SLC25A48: variants seen among roughly 807,000 people sequenced by gnomAD.
SLC25A48 encodes the protein CTC-321K16.1.
SLC25A48 carries 29 observed loss-of-function variants against 32.2 expected under a neutral mutation model. That is an observed-to-expected ratio of 0.90 (90% CI 0.67 to 1.23). The LOEUF (loss-of-function observed/expected upper bound fraction) is 1.23, where lower values mean the gene tolerates loss of function less well. Among genes scored for constraint, SLC25A48 ranks in the 50% most tolerant of loss-of-function variants. SLC25A48 has a pLI of 0.00. For missense variants in SLC25A48, 399 were observed against 422.7 expected (o/e 0.94, Z 0.49); for synonymous variants, 164 against 172.3 (o/e 0.95, Z 0.38).
chr5:135,610,095 G>C (rs1317531052), intron 1 of SLC25A48, among the ~76,000 whole-genome samples: 1 of 152,214 alleles, frequency 6.6e-6, no homozygotes, highest in African/African-American at 2.4e-5. Flanking sequence ...CCAGGTGCCA[G>C]GAAAACAAGC....
intron 7 of SLC25A48, among the ~76,000 whole-genome samples, chr5:135,882,838 G>A (rs778590302): frequency 1.1e-4 from 17 of 152,082 alleles, no homozygotes; most frequent in Non-Finnish European, 2.1e-4. Context: ...GCCTACTTTC[G>A]GTTTCAGGAA....
At chr5:135,807,278 T>C (rs769349467) in intron 3 of SLC25A48, among the ~76,000 whole-genome samples, 2 of 150,738 alleles carry the variant, frequency 1.3e-5, no homozygotes, top group African/African-American at 2.4e-5. Flanking sequence ...GTGTTAACTC[T>C]GGATATAGTA....
chr5:135,728,841 TACACACACACACAC>T (rs33918902), intron 3 of SLC25A48, among the ~76,000 whole-genome samples: 14 of 141,666 alleles, frequency 9.9e-5, no homozygotes, highest in South Asian at 4.5e-4. Context: ...CATACACAAA[TACACACACACACAC>T]ACACACACAC....
chr5:135,778,522 G>T (rs987615647), intron 3 of SLC25A48, among the ~76,000 whole-genome samples: 1 of 151,104 alleles, frequency 6.6e-6, no homozygotes, highest in East Asian at 2.0e-4. Flanking sequence ...TCCCAATGTC[G>T]CAGAGGGTGT....
At chr5:135,630,299 T>C (rs769505616) in intron 2 of SLC25A48, among the ~76,000 whole-genome samples, 1 of 152,336 alleles carries the variant, frequency 6.6e-6, no homozygotes, top group African/African-American at 2.4e-5. Flanking sequence ...GAAAGGTTTC[T>C]TCTGCTGCTC....
At chr5:135,840,568 C>A (rs770736944) in intron 1 of SLC25A48, among the ~76,000 whole-genome samples, 37 of 152,206 alleles carry the variant, frequency 2.4e-4, no homozygotes, top group Non-Finnish European at 4.4e-4. Flanking sequence ...GAGTCACTCC[C>A]ATTTCCACCT....
chr5:135,649,713 G>A (rs76793044), intron 3 of SLC25A48: 1,592 of 152,834 alleles, frequency 0.01, 34 homozygotes, highest in African/African-American at 0.037. Context: ...TACACAGAGT[G>A]GTTTGAATGA....
At chr5:135,635,136 T>G (rs1251954249) in intron 3 of SLC25A48, among the ~76,000 whole-genome samples, 12 of 152,184 alleles carry the variant, frequency 7.9e-5, no homozygotes, top group Non-Finnish European at 1.5e-4. Flanking sequence ...AGGAAAACTC[T>G]AGTGATTGTG....
intron 5 of SLC25A48, 108 bp from the exon 6 acceptor site, chr5:135,873,913 C>G: frequency 8.0e-7 from 1 of 1,251,956 alleles, no homozygotes; most frequent in East Asian, 2.8e-5. Flanking sequence ...TGAGCTCTGT[C>G]CCTTCTCCCA....
intron 7 of SLC25A48, among the ~76,000 whole-genome samples, chr5:135,887,203 C>T (rs1355612622): frequency 2.6e-5 from 4 of 152,034 alleles, no homozygotes; most frequent in Non-Finnish European, 5.9e-5. Context: ...ATATAATTAA[C>T]GAGAAGACTT....
At chr5:135,798,703 T>A (rs1388141822) in intron 3 of SLC25A48, among the ~76,000 whole-genome samples, 1 of 150,416 alleles carries the variant, frequency 6.6e-6, no homozygotes, top group Non-Finnish European at 1.5e-5. Context: ...GGGTGTACAC[T>A]CTCCCTGTGA....
At chr5:135,872,864 A>G (rs1331817908) in intron 5 of SLC25A48, 3 of 152,320 alleles carry the variant, frequency 2.0e-5, no homozygotes, top group Admixed American at 2.0e-4. Flanking sequence ...AACGAAGCTC[A>G]TGTCTTAGCC....
At chr5:135,772,410 G>T (rs1267139087) in intron 3 of SLC25A48, among the ~76,000 whole-genome samples, 1 of 151,578 alleles carries the variant, frequency 6.6e-6, no homozygotes, top group Non-Finnish European at 1.5e-5. Context: ...TTTCCAGAGG[G>T]GAAGAGGATG....
At chr5:135,666,258 G>T (rs1442891856) in intron 3 of SLC25A48, among the ~76,000 whole-genome samples, 2 of 152,208 alleles carry the variant, frequency 1.3e-5, no homozygotes, top group Non-Finnish European at 2.9e-5. Flanking sequence ...GATCTGGTGA[G>T]ACTATGTATT....
chr5:135,592,052 C>A (rs966070154), intron 1 of SLC25A48, among the ~76,000 whole-genome samples: 1 of 152,174 alleles, frequency 6.6e-6, no homozygotes, highest in East Asian at 1.9e-4. Context: ...AGAGAACCAG[C>A]TCTGCTTGTG....
At chr5:135,686,624 G>A (rs764134963) in intron 3 of SLC25A48, among the ~76,000 whole-genome samples, 5 of 152,216 alleles carry the variant, frequency 3.3e-5, no homozygotes, top group East Asian at 1.9e-4. Context: ...GGGGCACTGC[G>A]TCTCTCCCCT....
intron 3 of SLC25A48, among the ~76,000 whole-genome samples, chr5:135,655,926 T>C (rs1056499586): frequency 1.3e-5 from 2 of 152,172 alleles, no homozygotes; most frequent in African/African-American, 4.8e-5. Flanking sequence ...GCAATACTGG[T>C]TTCTCCAGGT....
intron 3 of SLC25A48, among the ~76,000 whole-genome samples, chr5:135,760,692 A>G (rs1756041452): frequency 6.6e-6 from 1 of 152,180 alleles, no homozygotes. Flanking sequence ...CGGGAAATTG[A>G]GCCGATTGTC....
intron 3 of SLC25A48, among the ~76,000 whole-genome samples, chr5:135,722,268 C>T (rs1440059489): frequency 1.1e-4 from 16 of 152,200 alleles, no homozygotes; most frequent in Admixed American, 7.9e-4. Flanking sequence ...AGCACTTTGC[C>T]AGGCTGTTTG....
Sources: allele counts gnomAD v4.1 joint callset (sites outside exome capture counted in the v4.1 genomes callset), GRCh38; gene constraint gnomAD v4.1.1; transcripts MANE v1.5; gene names NCBI Gene and HGNC (gene_info 2026-07-23, HGNC 2026-07-21).